MTMR8: variants seen among roughly 807,000 people sequenced by gnomAD.
The protein encoded by MTMR8 is myotubularin related protein 8, also known as phosphatidylinositol-3,5-bisphosphate 3-phosphatase MTMR8.
In MTMR8, 65 loss-of-function variants were observed where a neutral mutation model predicts 39.3. The ratio of observed to expected loss-of-function variants is 1.65; its 90% CI spans 1.35 to 2.03. The LOEUF is 2.03. MTMR8 is among the 30% of genes most tolerant of loss of function. The probability of loss-of-function intolerance (pLI) is 0.00; values close to 1 mark genes in which losing one functional copy is unlikely to be tolerated. For synonymous variants in MTMR8, 245 were observed against 185.2 expected (o/e 1.32, Z -2.62); for missense variants, 777 against 538.9 (o/e 1.44, Z -4.37).
chrX:64,274,398 T>C (rs1931828484), intron 12 of MTMR8, among the ~76,000 whole-genome samples: 1 of 112,069 alleles, frequency 8.9e-6, no homozygotes, highest in African/African-American at 3.2e-5. Flanking sequence ...AATTGGAAAG[T>C]ATCTTGAAAC....
intron 1 of MTMR8, among the ~76,000 whole-genome samples, chrX:64,363,208 C>A (rs1247376812): frequency 1.8e-5 from 2 of 111,551 alleles, no homozygotes; most frequent in African/African-American, 6.5e-5. Context: ...TATGACTCAG[C>A]AAATGTCCAT....
intron 8 of MTMR8, among the ~76,000 whole-genome samples, chrX:64,342,281 A>G (rs1026686926): frequency 7.1e-5 from 8 of 112,660 alleles, no homozygotes; most frequent in Admixed American, 6.6e-4. Context: ...GAAAGGACAG[A>G]TTTGAGAAAC....
chrX:64,331,136 A>T (rs906611448), intron 11 of MTMR8, among the ~76,000 whole-genome samples: 4 of 111,873 alleles, frequency 3.6e-5, no homozygotes, highest in Non-Finnish European at 7.5e-5. Flanking sequence ...GTCGGCAACG[A>T]ATTAGGAGTT....
At chrX:64,365,322 C>T (rs1015689225) in intron 1 of MTMR8, among the ~76,000 whole-genome samples, 2 of 109,183 alleles carry the variant, frequency 1.8e-5, no homozygotes, top group Non-Finnish European at 3.8e-5. Flanking sequence ...ATTCACCAAG[C>T]TCTACATGAA....
chrX:64,329,563 C>A (rs1922889355), intron 11 of MTMR8, among the ~76,000 whole-genome samples: 1 of 111,293 alleles, frequency 9.0e-6, no homozygotes, highest in Non-Finnish European at 1.9e-5. Flanking sequence ...AACCAGTAAG[C>A]AAGTCCCTTA....
At chrX:64,364,276 A>C (rs1215033961) in intron 1 of MTMR8, among the ~76,000 whole-genome samples, 1 of 112,469 alleles carries the variant, frequency 8.9e-6, no homozygotes, top group Non-Finnish European at 1.9e-5. Context: ...AAAGGACGGA[A>C]TGCATCTTCA....
chrX:64,358,409 T>G (rs1285425910), intron 2 of MTMR8, among the ~76,000 whole-genome samples: 2 of 112,302 alleles, frequency 1.8e-5, no homozygotes, highest in African/African-American at 6.5e-5. Flanking sequence ...CATTTTATAC[T>G]TATATGATAG....
At chrX:64,375,376 G>T (rs1472003617) in intron 1 of MTMR8, among the ~76,000 whole-genome samples, 1 of 110,585 alleles carries the variant, frequency 9.0e-6, no homozygotes, top group Non-Finnish European at 1.9e-5. Flanking sequence ...AAAAGTAAAG[G>T]GATGGAGAAA....
At chrX:64,301,560 G>A (rs1423831656) in intron 12 of MTMR8, among the ~76,000 whole-genome samples, 1 of 111,616 alleles carries the variant, frequency 9.0e-6, no homozygotes, top group Non-Finnish European at 1.9e-5. Flanking sequence ...ATCATCTGAA[G>A]CCTTCTTCTC....
At chrX:64,359,378 CTT>C in intron 2 of MTMR8, 25 bp downstream of exon 2, 1 of 1,193,282 alleles carries the variant, frequency 8.4e-7, no homozygotes. Flanking sequence ...CTTTAAGACT[CTT>C]TGATACTTCT....
At chrX:64,357,493 T>C (rs934281425) in intron 2 of MTMR8, among the ~76,000 whole-genome samples, 2 of 111,558 alleles carry the variant, frequency 1.8e-5, no homozygotes, top group South Asian at 3.8e-4. Context: ...GGCTTAATCA[T>C]GACTCACTGC....
intron 12 of MTMR8, among the ~76,000 whole-genome samples, chrX:64,316,722 T>C (rs1922476302): frequency 9.0e-6 from 1 of 111,613 alleles, no homozygotes; most frequent in South Asian, 3.8e-4. Context: ...ATGTGCAACT[T>C]CCTTCTGGCT....
intron 12 of MTMR8, among the ~76,000 whole-genome samples, chrX:64,286,543 C>T (rs1311122305): frequency 6.3e-5 from 7 of 111,941 alleles, no homozygotes; most frequent in Non-Finnish European, 1.3e-4. Flanking sequence ...CCCTGATGAA[C>T]ATTGATGCAA....
intron 1 of MTMR8, among the ~76,000 whole-genome samples, chrX:64,391,152 C>T: frequency 8.9e-6 from 1 of 112,165 alleles, no homozygotes; most frequent in Non-Finnish European, 1.9e-5. Context: ...TTAGTAGCTC[C>T]TTGGCTATTT....
chrX:64,359,724 GA>G (rs1484669545), intron 1 of MTMR8, among the ~76,000 whole-genome samples, 197 bp from the exon 2 acceptor site: 14 of 110,670 alleles, frequency 1.3e-4, no homozygotes, highest in Non-Finnish European at 1.7e-4. Context: ...AAAGTGAGAG[GA>G]AAACCCGTAT....
chrX:64,364,125 C>T (rs186536470), intron 1 of MTMR8, among the ~76,000 whole-genome samples: 75 of 112,580 alleles, frequency 6.7e-4, no homozygotes, highest in African/African-American at 2.3e-3. Flanking sequence ...CTCTGCAAGG[C>T]CTGCTGCCTC....
intron 10 of MTMR8, among the ~76,000 whole-genome samples, chrX:64,332,370 T>C (rs1268140456): frequency 9.0e-6 from 1 of 111,497 alleles, no homozygotes; most frequent in African/African-American, 3.3e-5. Flanking sequence ...CACTCTCAGT[T>C]TCTACACTGA....
chrX:64,392,291 C>T (rs1924709339), intron 1 of MTMR8, among the ~76,000 whole-genome samples: 1 of 112,190 alleles, frequency 8.9e-6, no homozygotes, highest in African/African-American at 3.2e-5. Context: ...AAGGCAGAAA[C>T]TGGAAATTCC....
At chrX:64,284,268 T>G (rs969267572) in intron 12 of MTMR8, among the ~76,000 whole-genome samples, 6 of 111,411 alleles carry the variant, frequency 5.4e-5, no homozygotes, top group Non-Finnish European at 1.1e-4. Flanking sequence ...AAGAGAAGTT[T>G]AGAGAAAAAA....
Sources: gnomAD v4.1 joint callset for allele counts (sites outside exome capture counted in the v4.1 genomes callset) on GRCh38, gnomAD v4.1.1 for gene constraint, MANE v1.5 for transcripts, NCBI Gene and HGNC (gene_info 2026-07-23, HGNC 2026-07-21) for gene names.